Variants in SPAG17 observed in about 807,000 individuals in gnomAD.
SPAG17 encodes the protein sperm-associated antigen 17.
Under a neutral mutation model 273.6 loss-of-function variants are expected in SPAG17, and 169 were observed. The observed-to-expected ratio is 0.62, with a 90% CI of 0.55 to 0.70. The LOEUF (loss-of-function observed/expected upper bound fraction) is 0.70. Ranked by LOEUF, SPAG17 falls within the 30% of genes least tolerant of loss-of-function variation. The pLI, the probability that SPAG17 is intolerant of heterozygous loss-of-function variation, is 0.00. For missense variants in SPAG17, 2,557 were observed against 2,627.8 expected (o/e 0.97, Z 0.59); for synonymous variants, 825 against 873.2 (o/e 0.94, Z 0.97).
At chr1:118,115,271 A>T in intron 4 of SPAG17, 39 bp downstream of exon 4, 1 of 1,607,540 alleles carries the variant, frequency 6.2e-7, no homozygotes, top group African/African-American at 1.3e-5. Flanking sequence ...TTCATTCACC[A>T]CTTGCCCTCT....
At chr1:118,168,991 T>G (rs377382371) in intron 1 of SPAG17, among the ~76,000 whole-genome samples, 14 of 152,300 alleles carry the variant, frequency 9.2e-5, no homozygotes, top group African/African-American at 3.4e-4. Flanking sequence ...GCAGAACACC[T>G]TGGATTTTAT....
chr1:118,182,386 A>G (rs1360328074), intron 1 of SPAG17, among the ~76,000 whole-genome samples: 1 of 152,138 alleles, frequency 6.6e-6, no homozygotes, highest in Admixed American at 6.5e-5. Context: ...TGCCTTGACC[A>G]TTGCATGGAA....
At chr1:118,091,758 G>T in intron 9 of SPAG17, 40 bp from the exon 10 acceptor site, 1 of 1,417,610 alleles carries the variant, frequency 7.1e-7, no homozygotes, top group Non-Finnish European at 1.0e-6. Context: ...ATTAAGTTGT[G>T]TTCTCCATTA....
intron 18 of SPAG17, among the ~76,000 whole-genome samples, chr1:118,061,572 A>G (rs1652296993): frequency 6.6e-6 from 1 of 152,196 alleles, no homozygotes; most frequent in Non-Finnish European, 1.5e-5. Flanking sequence ...TATCATTAAT[A>G]ATATGGTATT....
At chr1:118,060,525 T>G (rs981330198) in intron 18 of SPAG17, among the ~76,000 whole-genome samples, 1 of 152,200 alleles carries the variant, frequency 6.6e-6, no homozygotes, top group Non-Finnish European at 1.5e-5. Flanking sequence ...ACATTTGTCT[T>G]TTAACTTTTA....
intron 6 of SPAG17, among the ~76,000 whole-genome samples, chr1:118,098,862 A>G (rs1655879987): frequency 6.6e-6 from 1 of 152,180 alleles, no homozygotes; most frequent in South Asian, 2.1e-4. Context: ...TTAAAAATGT[A>G]GTGTTATAAA....
rs1251160697 is a variant in SPAG17 at position 118,086,058 on chromosome 1, A to G, written c.1626T>C (p.Phe542=). Residue 542 remains phenylalanine (F), a synonymous_variant, in exon 13 of 49, where the codon TTT becomes TTC. Coordinates refer to ENST00000336338, the MANE Select transcript of SPAG17 (RefSeq NM_206996.4). ...KKYALQDQKN[F]DPVQIEQEMQ... Reference sequence around the variant, plus strand: ...TCTCCTGCTCAATTTGAACTGGATCAAAATTCTTTTGGTCCTGATGAAAAA... The same window carrying G: ...TCTCCTGCTCAATTTGAACTGGATCGAAATTCTTTTGGTCCTGATGAAAAA... 3 of 1,613,498 alleles carry G rather than the reference A, an allele frequency of 1.9e-6. No individual in the cohort carries two copies. Among genetic ancestry groups the G allele is most frequent in the Non-Finnish European group, 2.5e-6 (3 of 1,179,908 alleles).
intron 3 of SPAG17, among the ~76,000 whole-genome samples, chr1:118,131,350 T>A (rs1658042581): frequency 6.6e-6 from 1 of 152,126 alleles, no homozygotes; most frequent in East Asian, 1.9e-4. Context: ...CATAGCTCCA[T>A]CCCCTCCTTC....
Position 117,973,519 on chromosome 1 carries a change from A to G in SPAG17, c.6047T>C (p.Leu2016Ser), listed in dbSNP as rs771405686. ...YEPVKIPTQS[L>S]LQDVAGQTRK... The stretch of plus-strand genomic sequence containing the variant: ...TGTTTGTCCCGCAACATCCTGCAGC[A>G]AGGACTGGGTTGGAATTTTCACGGG... Residue 2016 changes from leucine to serine, a missense_variant, in exon 44 of 49, where the codon TTG becomes TCG. Leu to Ser is a moderately radical substitution (Grantham distance 145). Transcript: ENST00000336338. 1.2e-6 allele frequency: 2 copies of G among 1,614,042 alleles called. No homozygotes were observed. Among genetic ancestry groups the G allele is most frequent in the African/African-American group, 2.7e-5 (2 of 75,028 alleles).
At chr1:118,056,435 A>G (rs1039904150) in intron 18 of SPAG17, among the ~76,000 whole-genome samples, 5 of 152,180 alleles carry the variant, frequency 3.3e-5, no homozygotes, top group African/African-American at 7.2e-5. Context: ...CTTAAATACT[A>G]TTCTCTAACT....
rs1371806795 is a variant in SPAG17 at position 118,031,751 on chromosome 1, T to G, written c.3550A>C (p.Lys1184Gln). The G allele has an allele frequency of 1.9e-6, 3 of 1,613,940 alleles. No individual in the cohort carries two copies. In the Admixed American group the frequency reaches 5.0e-5, roughly 27 times the overall value. ...QSKAKGKIKG[K>Q]EKPKESLKEE... ...TTAAGGGATTCTTTGGGTTTTTCTT[T>G]GCCTTTTATTTTCCCTTTAGCTTTG... Residue 1184 changes from lysine to glutamine, a missense_variant, in exon 25 of 49, where the codon AAA (lysine) becomes CAA (glutamine). By Grantham distance (53) the Lys-to-Gln change is moderately conservative (BLOSUM62 1). Transcript: ENST00000336338.
intron 37 of SPAG17, 87 bp from the exon 38 acceptor site, chr1:117,990,993 G>T: frequency 1.4e-6 from 1 of 704,478 alleles, no homozygotes; most frequent in East Asian, 3.0e-5. Context: ...CTGATCTTTT[G>T]TAAAAACTAC....
intron 20 of SPAG17, among the ~76,000 whole-genome samples, chr1:118,047,621 A>G (rs1411007997): frequency 6.6e-6 from 1 of 152,124 alleles, no homozygotes; most frequent in Non-Finnish European, 1.5e-5. Flanking sequence ...TGGCTCATGC[A>G]GATCCGGCTT....
chr1:117,973,409 C>A lies in SPAG17; in HGVS notation c.6141+16G>T, dbSNP rs373084964. 1.2e-3 allele frequency: 1,953 copies of A among 1,609,202 alleles called. 44 individuals carry two copies. The South Asian group carries it at 0.02, about 17-fold the overall frequency. ...GCTGATTGGCTGTGGGGAATTTGTT[C>A]CAATGTTTGTTTTACCTTTGCAAGA... is the stretch of plus-strand genomic sequence containing the variant. On this transcript the variant is annotated intron_variant, in intron 44 of 48. Transcript: ENST00000336338.
At position 118,016,176 on chromosome 1, in the gene SPAG17, C is replaced by G. The variant is rs1557910560; in HGVS notation, c.4076G>C (p.Ser1359Thr). ...SEITNTKKGK[S>T]HKSQSSMAHK... ...GGCCATTGATGACTGACTTTTGTGA[C>G]TTTTTCCTGTGAAGTTCAAGTAAAA... Residue 1359 changes from serine to threonine, a missense_variant, in exon 29 of 49, where the codon AGT (serine) becomes ACT (threonine). Physicochemically the swap from Ser to Thr is moderately conservative, Grantham distance 58. Transcript: ENST00000336338. 1.9e-5 allele frequency: 30 copies of G among 1,612,088 alleles called. No homozygotes were observed. The highest frequency in any genetic ancestry group is 2.5e-5 in the Non-Finnish European group (30 of 1,178,686).
intron 7 of SPAG17, among the ~76,000 whole-genome samples, chr1:118,096,011 T>A (rs140443157): frequency 1.3e-5 from 2 of 152,318 alleles, no homozygotes; most frequent in Non-Finnish European, 2.9e-5. Flanking sequence ...ACAGCTTTTC[T>A]ACATTCAGCT....
intron 18 of SPAG17, among the ~76,000 whole-genome samples, chr1:118,066,216 T>TGA (rs1170456895): frequency 6.6e-6 from 1 of 152,086 alleles, no homozygotes; most frequent in African/African-American, 2.4e-5. Flanking sequence ...TGAAATATCA[T>TGA]CATACTTAAT....
At chr1:118,067,404 G>T (rs1246792535) in intron 17 of SPAG17, among the ~76,000 whole-genome samples, 3 of 152,180 alleles carry the variant, frequency 2.0e-5, no homozygotes, top group Non-Finnish European at 2.9e-5. Flanking sequence ...GGGCCGTCAA[G>T]ATAAGATTAG....
chr1:118,158,514 T>G (rs567693155), intron 1 of SPAG17, among the ~76,000 whole-genome samples: 5 of 152,218 alleles, frequency 3.3e-5, no homozygotes, highest in African/African-American at 7.2e-5. Context: ...TCTGATCAAT[T>G]TTGGGCATCA....
Sources: gnomAD v4.1 joint callset for allele counts (sites outside exome capture counted in the v4.1 genomes callset) on GRCh38, gnomAD v4.1.1 for gene constraint, MANE v1.5 for transcripts, NCBI Gene and HGNC (gene_info 2026-07-23, HGNC 2026-07-21) for gene names.